The following TRAF6 variants were observed in gnomAD, a reference collection of about 807,000 sequenced individuals.
TRAF6 encodes TNF receptor-associated factor 6.
Under a neutral mutation model 48.4 loss-of-function variants are expected in TRAF6, and 10 were observed. The ratio of observed to expected loss-of-function variants is 0.21; its 90% CI spans 0.13 to 0.35. TRAF6 has a LOEUF of 0.35. Ranked by LOEUF, TRAF6 falls within the 10% of genes least tolerant of loss-of-function variation. The pLI, the probability that TRAF6 is intolerant of heterozygous loss-of-function variation, is 1.00. For missense variants in TRAF6, 397 were observed against 661.0 expected, an observed-to-expected ratio of 0.60 and a Z score of 4.38; for synonymous variants, 186 against 219.6, an observed-to-expected ratio of 0.85 and a Z score of 1.35.
chr11:36,507,772 A>G (rs1859824725), intron 1 of TRAF6, among the ~76,000 whole-genome samples: 1 of 143,282 alleles, frequency 7.0e-6, no homozygotes, highest in African/African-American at 2.5e-5. Flanking sequence ...ATATAAACAT[A>G]TACAAATATA....
At chr11:36,507,804 T>A (rs1205483457) in intron 1 of TRAF6, among the ~76,000 whole-genome samples, 2 of 145,180 alleles carry the variant, frequency 1.4e-5, no homozygotes, top group African/African-American at 5.1e-5. Flanking sequence ...TATATGTGTA[T>A]ATATACACAT....
rs990181969 is a variant in TRAF6 at position 36,485,429 on chromosome 11, G to C, written c.*4409C>G. On this transcript the variant is annotated 3_prime_UTR_variant, in exon 7 of 7. Coordinates refer to ENST00000526995, the MANE Select transcript of TRAF6 (RefSeq NM_004620.4). ...CCTTCTCCTGGGGACTTGCATAGAA[G>C]AGAACTATGGTCACTGCTGCTTGGG... Among the ~76,000 whole-genome samples the C allele has an allele frequency of 6.6e-5, 10 of 152,110 alleles. No homozygotes were observed. Among genetic ancestry groups the C allele is most frequent in the Non-Finnish European group, 1.3e-4 (9 of 68,032 alleles).
Position 36,490,549 on chromosome 11 carries a change from AGAGTCG to A in TRAF6, c.852_857del (p.Asp285_Ser286del). 1 of 1,614,154 alleles carries A rather than the reference AGAGTCG, an allele frequency of 6.2e-7. No homozygotes were observed. The highest frequency in any genetic ancestry group is 2.2e-5 in the East Asian group (1 of 44,880). On this transcript the variant is annotated inframe_deletion, in exon 7 of 7. Coordinates refer to ENST00000526995, the MANE Select transcript of TRAF6 (RefSeq NM_004620.4). The surrounding 1 kb of genome is among the most constrained non-coding windows in gnomAD (Gnocchi z 6.4). ...AATTCCGGACCTCTGAGATATACCC[AGAGTCG>A]GGTATAACGCTCAAACTATGAACAG...
chr11:36,503,953 T>G (rs5030498), intron 1 of TRAF6, among the ~76,000 whole-genome samples: 2,446 of 152,370 alleles, frequency 0.016, 37 homozygotes, highest in Middle Eastern at 0.031. Flanking sequence ...TACAAAGTTA[T>G]GTTTACACTA....
intron 1 of TRAF6, among the ~76,000 whole-genome samples, chr11:36,508,620 A>G (rs1007020335): frequency 6.6e-6 from 1 of 152,228 alleles, no homozygotes; most frequent in African/African-American, 2.4e-5. Context: ...AACTTATTGA[A>G]GTAAAACCAT....
chr11:36,505,015 T>C (rs915140052), intron 1 of TRAF6, among the ~76,000 whole-genome samples: 2 of 152,234 alleles, frequency 1.3e-5, no homozygotes, highest in African/African-American at 4.8e-5. Context: ...TACGCTGTCA[T>C]CCAGGCTTTG....
At chr11:36,491,269 C>T (rs1859559972) in intron 6 of TRAF6, among the ~76,000 whole-genome samples, 2 of 152,072 alleles carry the variant, frequency 1.3e-5, no homozygotes, top group African/African-American at 4.8e-5. Flanking sequence ...ATTAAGAACA[C>T]CCTATTATAC....
At chr11:36,493,041 C>G (rs916623659) in intron 5 of TRAF6, among the ~76,000 whole-genome samples, 2 of 152,138 alleles carry the variant, frequency 1.3e-5, no homozygotes, top group African/African-American at 4.8e-5. Flanking sequence ...CCCATACTTG[C>G]CTCATGACCA....
intron 1 of TRAF6, among the ~76,000 whole-genome samples, chr11:36,505,517 A>C (rs1859773139): frequency 1.3e-5 from 2 of 152,326 alleles, no homozygotes; most frequent in Non-Finnish European, 1.5e-5. Flanking sequence ...TTTTGGATTA[A>C]GGAAATGTTG....
At position 36,489,050 on chromosome 11, in the gene TRAF6, T is replaced by C. The variant is rs1468711972; in HGVS notation, c.*788A>G. 3 of 152,180 alleles carry C rather than the reference T, an allele frequency of 2.0e-5. No individual in the cohort carries two copies. Among genetic ancestry groups the C allele is most frequent in the Non-Finnish European group, 2.9e-5 (2 of 68,030 alleles). 9.4% of individuals were successfully genotyped at this position (152,180 alleles called of 1,614,324 possible). The stretch of plus-strand genomic sequence containing the variant: ...GCTGTGAAATTCACTCTGCACTGAA[T>C]AGACAAAAAGGGTTACATAGCATAA... On this transcript the variant is annotated 3_prime_UTR_variant, in exon 7 of 7. Transcript: ENST00000526995.
chr11:36,499,635 C>T (rs1859689466), intron 2 of TRAF6, among the ~76,000 whole-genome samples: 1 of 152,094 alleles, frequency 6.6e-6, no homozygotes, highest in Non-Finnish European at 1.5e-5. Context: ...AAAAATCTAC[C>T]CAAAATAGAT....
At chr11:36,509,423 G>A (rs1462899512) in intron 1 of TRAF6, among the ~76,000 whole-genome samples, 1 of 150,862 alleles carries the variant, frequency 6.6e-6, no homozygotes, top group Non-Finnish European at 1.5e-5. Context: ...TGTCATCTGA[G>A]CCTTTTTTTT....
chr11:36,503,436 C>T (rs1859744690), intron 1 of TRAF6, among the ~76,000 whole-genome samples: 2 of 152,142 alleles, frequency 1.3e-5, no homozygotes, highest in African/African-American at 2.4e-5. Context: ...AGGCGCCCGC[C>T]ACCACGCCCA....
chr11:36,486,220 A>G lies in TRAF6; in HGVS notation c.*3618T>C, dbSNP rs1859481583. 6.6e-6 allele frequency among the ~76,000 whole-genome samples: 1 copy of G among 152,140 alleles called. No individual in the cohort carries two copies. The highest frequency in any genetic ancestry group is 1.9e-4 in the East Asian group (1 of 5,174). On this transcript the variant is annotated 3_prime_UTR_variant, in exon 7 of 7. Transcript: ENST00000526995. The stretch of plus-strand genomic sequence containing the variant: ...ACACCTGGCTAATTTTTGTATTTTT[A>G]TAGAGATGGGGTTTCACCATTTTGG...
chr11:36,495,672 C>T (rs1859620633), intron 4 of TRAF6, among the ~76,000 whole-genome samples: 1 of 152,032 alleles, frequency 6.6e-6, no homozygotes. Flanking sequence ...GAGGGCAGAT[C>T]ACCTGAGGTC....
Position 36,489,676 on chromosome 11 carries a change from G to A in TRAF6, c.*162C>T. 1.2e-6 allele frequency: 1 copy of A among 842,808 alleles called. No individual in the cohort carries two copies. The highest frequency in any genetic ancestry group is 1.8e-5 in the South Asian group (1 of 54,318). The allele number at this position is 842,808 out of a possible 1,614,324, so 52.2% of individuals were successfully genotyped here. The stretch of plus-strand genomic sequence containing the variant: ...GGATTCCCAGGAAAAAACTGCCTCA[G>A]ATCATTTGTAACAGGAAGAAATAGT... On this transcript the variant is annotated 3_prime_UTR_variant, in exon 7 of 7. Transcript: ENST00000526995.
At chr11:36,501,974 G>A (rs1590643093) in intron 1 of TRAF6, among the ~76,000 whole-genome samples, 1 of 152,180 alleles carries the variant, frequency 6.6e-6, no homozygotes, top group South Asian at 2.1e-4. Context: ...CATACAGTAA[G>A]TGTTCACTAA....
In TRAF6 at chr11:36,484,605, T is replaced by C. The variant is rs1194778080; in HGVS notation, c.*5233A>G. 1.4e-5 allele frequency among the ~76,000 whole-genome samples: 2 copies of C among 147,298 alleles called. No individual in the cohort carries two copies. The highest frequency in any genetic ancestry group is 4.1e-4 in the East Asian group (2 of 4,924). On this transcript the variant is annotated 3_prime_UTR_variant, in exon 7 of 7. Coordinates refer to ENST00000526995, the MANE Select transcript of TRAF6 (RefSeq NM_004620.4). ...TATTTAAATTTCAAATTCTAGTTTC[T>C]ACTTTACAAGGAAAAGGACACGAAG...
At chr11:36,509,512 G>A (rs2133683899) in intron 1 of TRAF6, among the ~76,000 whole-genome samples, 1 of 152,164 alleles carries the variant, frequency 6.6e-6, no homozygotes, top group Middle Eastern at 3.4e-3. Flanking sequence ...AGTGACAGCC[G>A]GAGTCGCCAG....
Sources: allele counts gnomAD v4.1 joint callset (sites outside exome capture counted in the v4.1 genomes callset), GRCh38; gene constraint gnomAD v4.1.1; non-coding constraint Gnocchi (gnomAD v3.1); transcripts MANE v1.5; gene names NCBI Gene and HGNC (gene_info 2026-07-23, HGNC 2026-07-21).